The following ANK3 variants were observed in gnomAD, a reference collection of about 807,000 sequenced individuals.
The protein encoded by ANK3 is ankyrin-3.
ANK3 carries 57 observed loss-of-function variants against 370.9 expected under a neutral mutation model. The ratio of observed to expected loss-of-function variants is 0.15; its 90% CI spans 0.12 to 0.19. The LOEUF (loss-of-function observed/expected upper bound fraction) is 0.19, where lower values mean the gene tolerates loss of function less well. Among genes scored for constraint, ANK3 ranks in the 10% least tolerant of loss-of-function variants. The pLI is 1.00. For synonymous variants in ANK3, 1,929 were observed against 1,946.3 expected (o/e 0.99, Z 0.23); for missense variants, 4,439 against 5,302.1 (o/e 0.84, Z 5.06).
rs111778210 is a variant in ANK3 at position 60,042,340 on chromosome 10, T to C, written c.*19+332A>G. 3.3e-5 allele frequency among the ~76,000 whole-genome samples: 5 copies of C among 152,310 alleles called. 1 individual carries two copies. Among genetic ancestry groups the C allele is most frequent in the African/African-American group, 1.2e-4 (5 of 41,576 alleles). On this transcript the variant is annotated intron_variant, in intron 43 of 43. Coordinates refer to ENST00000280772, the MANE Select transcript of ANK3 (RefSeq NM_020987.5). ...ACTGTAAGAAGTATTCGTTGCCAAA[T>C]AGTCTTCCTGTTAGATTGTATAAGG...
At chr10:60,297,136 A>C (rs2042698767) in intron 1 of ANK3, among the ~76,000 whole-genome samples, 1 of 152,236 alleles carries the variant, frequency 6.6e-6, no homozygotes, top group Non-Finnish European at 1.5e-5. Flanking sequence ...ATACAAAATA[A>C]TCAATAATTC....
intron 2 of ANK3, among the ~76,000 whole-genome samples, chr10:60,587,603 T>C (rs1210302209): frequency 6.6e-6 from 1 of 152,188 alleles, no homozygotes; most frequent in Non-Finnish European, 1.5e-5. Flanking sequence ...GGCTTCCAAC[T>C]AGCCAGAGTG....
intron 4 of ANK3, among the ~76,000 whole-genome samples, chr10:60,272,453 TTTGTTGTTG>T (rs145292305): frequency 6.9e-6 from 1 of 144,128 alleles, no homozygotes; most frequent in Non-Finnish European, 1.5e-5. Flanking sequence ...TTAGAAGTTT[TTTGTTGTTG>T]TTGTTGTTGT....
At chr10:60,401,397 C>T (rs2063349854) in intron 2 of ANK3, among the ~76,000 whole-genome samples, 1 of 151,928 alleles carries the variant, frequency 6.6e-6, no homozygotes, top group Non-Finnish European at 1.5e-5. Flanking sequence ...GTGTTCTTAA[C>T]CACAATAAAA....
intron 1 of ANK3, among the ~76,000 whole-genome samples, chr10:60,362,263 C>A (rs1437930326): frequency 6.6e-6 from 1 of 152,154 alleles, no homozygotes; most frequent in Middle Eastern, 3.2e-3. Flanking sequence ...GTACATATAT[C>A]TTTGCACACT....
intron 8 of ANK3, among the ~76,000 whole-genome samples, chr10:60,222,757 A>C (rs2097082274): frequency 8.7e-6 from 1 of 114,774 alleles, no homozygotes; most frequent in Non-Finnish European, 1.9e-5. Flanking sequence ...GCAGCTTCTG[A>C]TAAGAGTCCC....
chr10:60,584,563 G>A (rs1313802499), intron 2 of ANK3, among the ~76,000 whole-genome samples: 1 of 152,126 alleles, frequency 6.6e-6, no homozygotes, highest in Admixed American at 6.5e-5. Flanking sequence ...GCTGCAATGA[G>A]CTATAATTGC....
chr10:60,211,272 G>A (rs913207673), intron 9 of ANK3, among the ~76,000 whole-genome samples: 2 of 108,842 alleles, frequency 1.8e-5, no homozygotes, highest in Non-Finnish European at 4.3e-5. Context: ...TCTGGAGAAG[G>A]TGAACTAGAG....
At chr10:60,207,410 C>A (rs2096781211) in intron 10 of ANK3, among the ~76,000 whole-genome samples, 1 of 152,196 alleles carries the variant, frequency 6.6e-6, no homozygotes, top group African/African-American at 2.4e-5. Context: ...AACTTGGGTA[C>A]TTATTCTGAA....
At position 60,055,825 on chromosome 10, in the gene ANK3, G is replaced by A. The variant is rs1411930523; in HGVS notation, c.12898C>T (p.Leu4300=). 1 of 1,614,188 alleles carries A rather than the reference G, an allele frequency of 6.2e-7. No homozygotes were observed. The highest frequency in any genetic ancestry group is 8.5e-7 in the Non-Finnish European group (1 of 1,180,030). ...TCTAGAGATTTCTGATATGCTGCTA[G>A]TGGTGATGCTGGTTCTTCAACATGA... ...SGHVEEPASP[L]AAYQKSLEET... is the part of the protein sequence containing the mutation. Residue 4300 remains leucine (L), a synonymous_variant, in exon 42 of 44, where the codon CTA becomes TTA. Transcript: ENST00000280772.
intron 2 of ANK3, among the ~76,000 whole-genome samples, chr10:60,606,958 C>CA (rs1299473335): frequency 6.6e-6 from 1 of 152,142 alleles, no homozygotes; most frequent in Non-Finnish European, 1.5e-5. Flanking sequence ...ACACACCCAA[C>CA]AAGCTGTTGC....
chr10:60,041,384 C>T (rs2393579), intron 43 of ANK3, among the ~76,000 whole-genome samples: 128,795 of 152,260 alleles, frequency 0.85, 54,698 homozygotes, highest in East Asian at 0.93. Context: ...CCGTCACCTC[C>T]GACCCAGGTT....
intron 1 of ANK3, among the ~76,000 whole-genome samples, chr10:60,349,353 T>C (rs990567486): frequency 5.3e-5 from 8 of 152,204 alleles, no homozygotes; most frequent in African/African-American, 1.9e-4. Flanking sequence ...TCATGTGTTA[T>C]AGCTCTGGCA....
chr10:60,485,154 C>G (rs1432909760), intron 2 of ANK3, among the ~76,000 whole-genome samples: 1 of 152,146 alleles, frequency 6.6e-6, no homozygotes, highest in Non-Finnish European at 1.5e-5. Context: ...ACACTCGAGT[C>G]GGTTTCATCA....
intron 8 of ANK3, among the ~76,000 whole-genome samples, chr10:60,214,358 G>T (rs2096902205): frequency 1.3e-5 from 2 of 151,962 alleles, no homozygotes; most frequent in Admixed American, 6.6e-5. Context: ...ATTACTTAAT[G>T]ATCTTTTTTT....
chr10:60,037,557 C>T (rs943975529), intron 43 of ANK3, among the ~76,000 whole-genome samples: 2 of 152,118 alleles, frequency 1.3e-5, no homozygotes, highest in African/African-American at 4.8e-5. Flanking sequence ...GTTTTCTGTT[C>T]CTATGTTAGT....
chr10:60,279,343 T>G (rs574286495), intron 2 of ANK3, among the ~76,000 whole-genome samples, 195 bp from the exon 3 acceptor site: 33 of 152,346 alleles, frequency 2.2e-4, no homozygotes, highest in African/African-American at 7.7e-4. Context: ...CATTATTTAC[T>G]AAATTTTAGA....
intron 38 of ANK3, among the ~76,000 whole-genome samples, chr10:60,066,779 C>T (rs2081732962): frequency 6.6e-6 from 1 of 152,010 alleles, no homozygotes; most frequent in Non-Finnish European, 1.5e-5. Flanking sequence ...TTTGGCCATG[C>T]ATTAAAAAAT....
chr10:60,425,540 C>T (rs981314314), intron 2 of ANK3, among the ~76,000 whole-genome samples: 17 of 152,104 alleles, frequency 1.1e-4, no homozygotes, highest in African/African-American at 4.1e-4. Context: ...TTCAACAATG[C>T]ATCCTTCATC....
Sources: gnomAD v4.1 joint callset for allele counts (sites outside exome capture counted in the v4.1 genomes callset) on GRCh38, gnomAD v4.1.1 for gene constraint, MANE v1.5 for transcripts, NCBI Gene and HGNC (gene_info 2026-07-23, HGNC 2026-07-21) for gene names.